The following NCOR2 variants were observed in gnomAD, a reference collection of about 807,000 sequenced individuals.
The protein encoded by NCOR2 is nuclear receptor corepressor 2.
NCOR2 carries 81 observed loss-of-function variants against 262.9 expected under a neutral mutation model. The observed-to-expected ratio is 0.31, with a 90% CI of 0.26 to 0.37. The LOEUF (loss-of-function observed/expected upper bound fraction) is 0.37. NCOR2 is among the 10% of genes least tolerant of loss of function. The probability of loss-of-function intolerance (pLI) is 1.00; values close to 1 mark genes in which losing one functional copy is unlikely to be tolerated. For missense variants in NCOR2, 3,385 were observed against 3,621.4 expected (o/e 0.93, Z 1.68); for synonymous variants, 1,659 against 1,559.3 (o/e 1.06, Z -1.51).
At position 124,344,466 on chromosome 12, in the gene NCOR2, G is replaced by C. The variant is rs993744420; in HGVS notation, c.4714+131C>G. ...CGGAGGCAGAGCCCACGGGCCTGCA[G>C]GTGGTTTGGATGTGGTGGAAAGCGG... On this transcript the variant is annotated intron_variant, in intron 32 of 46. Transcript: ENST00000405201. The C allele has an allele frequency of 3.5e-6, 3 of 848,756 alleles. No individual in the cohort carries two copies. In the African/African-American group the frequency reaches 5.2e-5, roughly 15 times the overall value. 52.6% of individuals were successfully genotyped at this position (848,756 alleles called of 1,614,324 possible). A position where few individuals can be genotyped will look rare whatever the true frequency, so the allele number is the denominator to read the frequency against.
At chr12:124,325,331 C>T in exon 47 of NCOR2, 1 of 1,106,004 alleles carries the variant, frequency 9.0e-7, no homozygotes, top group South Asian at 3.3e-5. Context: ...CGGCAGCCGC[C>T]CTGCTCCTGC....
chr12:124,360,056 C>T (rs1200016241), intron 22 of NCOR2, among the ~76,000 whole-genome samples: 1 of 152,240 alleles, frequency 6.6e-6, no homozygotes, highest in Non-Finnish European at 1.5e-5. Context: ...TGGCCGGTGG[C>T]TCCCTTTCTC....
rs934532853 is a variant in NCOR2, at chr12:124,517,523, G to A, written c.-118+18042C>T. On this transcript the variant is annotated intron_variant, in intron 1 of 46. Coordinates refer to the NCOR2 transcript ENST00000404621. This position sits in a 1 kb window ranked among gnomAD's most constrained non-coding sequence, Gnocchi z 7.6. ...CCAAGCGCCACCTCGGTGGGGAGCC[G>A]GGCGCCGGGGCCGGGCTGCAGCGCT... 3.3e-5 allele frequency among the ~76,000 whole-genome samples: 5 copies of A among 152,050 alleles called. No individual in the cohort carries two copies. The highest frequency in any genetic ancestry group is 9.7e-5 in the African/African-American group (4 of 41,388).
chr12:124,485,233 A>G (rs138127067), intron 2 of NCOR2, among the ~76,000 whole-genome samples: 3 of 152,350 alleles, frequency 2.0e-5, no homozygotes, highest in Non-Finnish European at 2.9e-5. Context: ...TGGAACCTCA[A>G]AATAAGACCT....
chr12:124,557,180 CT>C (rs1459824506), intron 1 of NCOR2, among the ~76,000 whole-genome samples: 1 of 152,210 alleles, frequency 6.6e-6, no homozygotes, highest in Non-Finnish European at 1.5e-5. Context: ...GGGGATGGGT[CT>C]CAGGGTGACC....
chr12:124,342,738 T>C (rs924470987), intron 33 of NCOR2, among the ~76,000 whole-genome samples: 3 of 152,224 alleles, frequency 2.0e-5, no homozygotes, highest in African/African-American at 7.2e-5. Context: ...TTCTATACCT[T>C]TGCATTGCTA....
Position 124,517,276 on chromosome 12 carries a change from T to C in NCOR2, c.-118+18289A>G, listed in dbSNP as rs2049865221. ...GCCCCCTCCCTTCCCCAGCCTGGGCTCAGAGGTCCCCAGGAGCCATTCCCG... is the reference window on the plus strand; with the variant it reads ...GCCCCCTCCCTTCCCCAGCCTGGGCCCAGAGGTCCCCAGGAGCCATTCCCG... On this transcript the variant is annotated intron_variant, in intron 1 of 46. Transcript: ENST00000404621. This position sits in a 1 kb window ranked among gnomAD's most constrained non-coding sequence, Gnocchi z 7.6. 1.3e-5 allele frequency among the ~76,000 whole-genome samples: 2 copies of C among 152,028 alleles called. No individual in the cohort carries two copies. Among genetic ancestry groups the C allele is most frequent in the Non-Finnish European group, 2.9e-5 (2 of 67,974 alleles).
At chr12:124,350,458 T>A in intron 28 of NCOR2, 129 bp downstream of exon 30, 1 of 1,231,534 alleles carries the variant, frequency 8.1e-7, no homozygotes, top group African/African-American at 1.5e-5. Context: ...CCTGCAGGGA[T>A]AAGGAGGTCA....
chr12:124,421,422 T>G (rs1047729197), intron 12 of NCOR2, among the ~76,000 whole-genome samples: 8 of 152,246 alleles, frequency 5.3e-5, no homozygotes, highest in Non-Finnish European at 1.2e-4. Context: ...GTCCACTCCC[T>G]GAGGGAGACG....
At chr12:124,392,712 T>C (rs925580646) in intron 16 of NCOR2, among the ~76,000 whole-genome samples, 2 of 152,078 alleles carry the variant, frequency 1.3e-5, no homozygotes, top group Non-Finnish European at 2.9e-5. Flanking sequence ...GGACATGTAG[T>C]GGAGGAGGTC....
intron 3 of NCOR2, among the ~76,000 whole-genome samples, chr12:124,479,531 A>G (rs1243732): frequency 0.14 from 21,414 of 151,918 alleles, 1,584 homozygotes; most frequent in Admixed American, 0.18. Context: ...GCACACGCAC[A>G]CACACACCCG....
In NCOR2 at chr12:124,343,232, G is replaced by A; in HGVS notation, c.4715-6C>T. On this transcript the variant is annotated splice_region_variant and splice_polypyrimidine_tract_variant and intron_variant, in intron 32 of 46. Transcript: ENST00000405201. Reference sequence around the variant, plus strand: ...CTTGCTGGACGAAAGGCTGCCTGTGGACGGGCAAGGTGGATGCATCGGGCC... The same window carrying A: ...CTTGCTGGACGAAAGGCTGCCTGTGAACGGGCAAGGTGGATGCATCGGGCC... The A allele has an allele frequency of 6.2e-7, 1 of 1,607,482 alleles. No homozygotes were observed.
chr12:124,455,110 G>C (rs1257180456), intron 6 of NCOR2, among the ~76,000 whole-genome samples: 1 of 152,242 alleles, frequency 6.6e-6, no homozygotes, highest in Non-Finnish European at 1.5e-5. Context: ...CAAATCCATA[G>C]AGACAGAAGG....
intron 10 of NCOR2, among the ~76,000 whole-genome samples, chr12:124,428,073 G>GTGTGTGTGTGTGTGTA: frequency 6.9e-6 from 1 of 144,834 alleles, no homozygotes; most frequent in Non-Finnish European, 1.6e-5. Context: ...GTGTGTGTGT[G>GTGTGTGTGTGTGTGTA]TGTGTGTGTG....
At chr12:124,420,107 G>A (rs778164131) in intron 12 of NCOR2, 52 bp from the exon 15 acceptor site, 2 of 1,499,970 alleles carry the variant, frequency 1.3e-6, no homozygotes, top group East Asian at 2.3e-5. Flanking sequence ...AGGCATTCAG[G>A]GCAGGAGCCA....
intron 19 of NCOR2, 78 bp downstream of exon 21, chr12:124,374,335 C>A: frequency 6.9e-7 from 1 of 1,448,554 alleles, no homozygotes; most frequent in South Asian, 1.2e-5. Context: ...AAGCGGGGTT[C>A]CTTGTGGAGG....
chr12:124,409,200 C>T (rs1002388300), intron 13 of NCOR2, among the ~76,000 whole-genome samples: 11 of 152,330 alleles, frequency 7.2e-5, no homozygotes, highest in Middle Eastern at 3.4e-3. Context: ...ATTCAGATCC[C>T]GACCCGCAAC....
intron 1 of NCOR2, among the ~76,000 whole-genome samples, chr12:124,507,111 CTG>C (rs1213714754): frequency 2.0e-5 from 3 of 152,200 alleles, no homozygotes; most frequent in African/African-American, 4.8e-5. Flanking sequence ...AGGACAAACA[CTG>C]TGCGATTCCA....
intron 23 of NCOR2, among the ~76,000 whole-genome samples, chr12:124,356,084 C>T (rs1460176866): frequency 6.6e-6 from 1 of 152,216 alleles, no homozygotes; most frequent in Non-Finnish European, 1.5e-5. Context: ...TCAAGCTTTG[C>T]CTGCTCTCTC....
Sources: gnomAD v4.1 joint callset for allele counts (sites outside exome capture counted in the v4.1 genomes callset) on GRCh38, gnomAD v4.1.1 for gene constraint, Gnocchi (gnomAD v3.1) non-coding constraint, MANE v1.5 for transcripts, NCBI Gene and HGNC (gene_info 2026-07-23, HGNC 2026-07-21) for gene names.